PTPRD: variants seen among roughly 807,000 people sequenced by gnomAD.
PTPRD encodes the protein protein tyrosine phosphatase receptor type D.
A neutral mutation model predicts 214.5 loss-of-function variants in PTPRD; 34 were observed. The ratio of observed to expected loss-of-function variants is 0.16; its 90% CI spans 0.12 to 0.21. The LOEUF (loss-of-function observed/expected upper bound fraction) is 0.21, where lower values mean the gene tolerates loss of function less well. Among genes scored for constraint, PTPRD ranks in the 10% least tolerant of loss-of-function variants. The pLI is 1.00. For synonymous variants in PTPRD, 1,128 were observed against 845.7 expected (o/e 1.33, Z -5.79); for missense variants, 2,545 against 2,398.7 (o/e 1.06, Z -1.27).
intron 7 of PTPRD, among the ~76,000 whole-genome samples, chr9:9,690,774 T>C (rs942508659): frequency 6.6e-6 from 1 of 151,990 alleles, no homozygotes; most frequent in Non-Finnish European, 1.5e-5. Context: ...GAGTTGGCTG[T>C]AAATGTGTGG....
chr9:10,274,607 T>C (rs1278282405), intron 3 of PTPRD, among the ~76,000 whole-genome samples: 1 of 152,178 alleles, frequency 6.6e-6, no homozygotes, highest in African/African-American at 2.4e-5. Flanking sequence ...TTCACCACCT[T>C]TCACAAACTT....
chr9:9,844,135 T>C (rs1237472019), intron 5 of PTPRD, among the ~76,000 whole-genome samples: 2 of 152,038 alleles, frequency 1.3e-5, no homozygotes, highest in Non-Finnish European at 1.5e-5. Flanking sequence ...TTTTTTTCAT[T>C]GTTTACTGCC....
At chr9:8,640,053 C>A (rs1000813055) in intron 12 of PTPRD, among the ~76,000 whole-genome samples, 1 of 152,098 alleles carries the variant, frequency 6.6e-6, no homozygotes, top group Non-Finnish European at 1.5e-5. Flanking sequence ...ACCTTAGCAT[C>A]CAGAGTGGCT....
At chr9:10,197,937 A>C (rs1490012341) in intron 3 of PTPRD, among the ~76,000 whole-genome samples, 2 of 152,152 alleles carry the variant, frequency 1.3e-5, no homozygotes, top group African/African-American at 4.8e-5. Context: ...ATATAACTTA[A>C]TACTTCTATG....
chr9:9,793,798 G>A (rs2153479661), intron 5 of PTPRD, among the ~76,000 whole-genome samples: 1 of 152,010 alleles, frequency 6.6e-6, no homozygotes, highest in East Asian at 1.9e-4. Flanking sequence ...CCAAATTCCA[G>A]TTAACTTTAA....
At chr9:8,326,128 G>T (rs1259570287) in intron 44 of PTPRD, among the ~76,000 whole-genome samples, 3 of 152,232 alleles carry the variant, frequency 2.0e-5, no homozygotes, top group African/African-American at 7.2e-5. Context: ...CAGTGAGAGA[G>T]GGCATCCCTC....
At chr9:8,480,433 G>A (rs992496943) in intron 30 of PTPRD, among the ~76,000 whole-genome samples, 1 of 152,006 alleles carries the variant, frequency 6.6e-6, no homozygotes, top group Non-Finnish European at 1.5e-5. Context: ...CTCTACTATA[G>A]GACTCTGCTT....
In PTPRD at chr9:8,321,483, GTGTGTATATATATA is replaced by G. The variant is rs1175765124; in HGVS notation, c.5535-1531_5535-1518del. ...TCTTTGTGTGTGTGTGTGTGTGTGTGTGTGTATATATATATATATATATATATATATATATATAT... is the reference window on the plus strand; with the variant it reads ...TCTTTGTGTGTGTGTGTGTGTGTGTGTATATATATATATATATATATATAT... On this transcript the variant is annotated intron_variant, in intron 44 of 45. Transcript: ENST00000381196. 6.2e-3 allele frequency among the ~76,000 whole-genome samples: 301 copies of G among 48,718 alleles called. 3 individuals are homozygous for G. The highest frequency in any genetic ancestry group is 0.036 in the African/African-American group (274 of 7,716). 32.0% of individuals were successfully genotyped at this position (48,718 alleles called of 152,430 possible).
chr9:8,704,876 T>A, intron 12 of PTPRD, among the ~76,000 whole-genome samples: 1 of 151,874 alleles, frequency 6.6e-6, no homozygotes, highest in South Asian at 2.1e-4. Context: ...TGAGCCAAGA[T>A]CATGCCATTG....
At chr9:9,803,615 C>A (rs1565388531) in intron 5 of PTPRD, 1 of 151,842 alleles carries the variant, frequency 6.6e-6, no homozygotes, top group Non-Finnish European at 1.5e-5. Flanking sequence ...GTAACTGGTG[C>A]CTTCTTGATG....
At chr9:9,184,227 C>G (rs964520288) in intron 9 of PTPRD, among the ~76,000 whole-genome samples, 1 of 152,062 alleles carries the variant, frequency 6.6e-6, no homozygotes, top group African/African-American at 2.4e-5. Flanking sequence ...CCCTATCACA[C>G]GTTATCACAT....
intron 5 of PTPRD, among the ~76,000 whole-genome samples, chr9:9,794,833 G>C (rs2098991868): frequency 6.6e-6 from 1 of 152,194 alleles, no homozygotes; most frequent in African/African-American, 2.4e-5. Flanking sequence ...GACTAGAATG[G>C]TGTTTTAAAA....
intron 5 of PTPRD, among the ~76,000 whole-genome samples, chr9:9,854,165 A>G (rs184520095): frequency 6.6e-6 from 1 of 152,248 alleles, no homozygotes; most frequent in Non-Finnish European, 1.5e-5. Flanking sequence ...CTAACCTGCT[A>G]TTTACATTAA....
Position 10,592,046 on chromosome 9 carries a change from T to C in PTPRD, c.-600+20352A>G, listed in dbSNP as rs181994394. ...AGTCACTCAGCATAAGAGTACTTTG[T>C]TGCGCAGCAACAGATAAATAACAGA... is the stretch of plus-strand genomic sequence containing the variant. On this transcript the variant is annotated intron_variant, in intron 2 of 45. Transcript: ENST00000381196. Among the ~76,000 whole-genome samples, 10 of 152,234 alleles carry C rather than the reference T, an allele frequency of 6.6e-5. No individual in the cohort carries two copies. In the East Asian group the frequency reaches 1.4e-3, roughly 21 times the overall value.
intron 35 of PTPRD, among the ~76,000 whole-genome samples, chr9:8,406,861 T>C (rs2093032168): frequency 6.6e-6 from 1 of 152,208 alleles, no homozygotes; most frequent in African/African-American, 2.4e-5. Flanking sequence ...TGAACATTAT[T>C]GGATACATAA....
At chr9:9,982,478 GTGTGTGTGTGTGTGTGTGTGT>G (rs1407731229) in intron 4 of PTPRD, among the ~76,000 whole-genome samples, 1 of 148,856 alleles carries the variant, frequency 6.7e-6, no homozygotes, top group African/African-American at 2.5e-5. Context: ...TGGTGGTGGT[GTGTGTGTGTGTGTGTGTGTGT>G]GTGTGTGTGT....
chr9:9,644,801 GAGA>G (rs1166444034), intron 7 of PTPRD, among the ~76,000 whole-genome samples: 2 of 152,166 alleles, frequency 1.3e-5, no homozygotes, highest in African/African-American at 2.4e-5. Flanking sequence ...TGGCTTGGCA[GAGA>G]AGGAGAGAAG....
intron 44 of PTPRD, among the ~76,000 whole-genome samples, chr9:8,328,329 A>C (rs1836122251): frequency 6.6e-6 from 1 of 152,146 alleles, no homozygotes; most frequent in Admixed American, 6.5e-5. Context: ...TTTCTTTAGG[A>C]ATGTTGAATA....
intron 33 of PTPRD, among the ~76,000 whole-genome samples, chr9:8,450,557 G>T (rs1010710098): frequency 6.6e-6 from 1 of 152,114 alleles, no homozygotes; most frequent in Non-Finnish European, 1.5e-5. Flanking sequence ...GTAGATCAGC[G>T]CTCCTGATAA....
Sources: allele counts gnomAD v4.1 joint callset (sites outside exome capture counted in the v4.1 genomes callset), GRCh38; gene constraint gnomAD v4.1.1; transcripts MANE v1.5; gene names NCBI Gene and HGNC (gene_info 2026-07-23, HGNC 2026-07-21).